Variants in SPSB4 observed in about 807,000 individuals in gnomAD.
SPSB4 encodes the protein splA/ryanodine receptor domain and SOCS box containing 4.
A neutral mutation model predicts 20.9 loss-of-function variants in SPSB4; 21 were observed. The ratio of observed to expected loss-of-function variants is 1.01; its 90% CI spans 0.71 to 1.45. The LOEUF (loss-of-function observed/expected upper bound fraction) is 1.45, where lower values mean the gene tolerates loss of function less well. Ranked by LOEUF, SPSB4 falls within the 40% of genes most tolerant of loss-of-function variation. The probability of loss-of-function intolerance (pLI) is 0.00; values close to 1 mark genes in which losing one functional copy is unlikely to be tolerated. For missense variants in SPSB4, 399 were observed against 399.2 expected, an observed-to-expected ratio of 1.00 and a Z score of 0.00; for synonymous variants, 207 against 183.8, an observed-to-expected ratio of 1.13 and a Z score of -1.02.
intron 2 of SPSB4, among the ~76,000 whole-genome samples, chr3:141,134,477 C>T (rs1939192131): frequency 6.6e-6 from 1 of 152,014 alleles, no homozygotes; most frequent in Admixed American, 6.6e-5. Context: ...GCTTTTATTA[C>T]CTTAAGATAT....
intron 2 of SPSB4, among the ~76,000 whole-genome samples, chr3:141,088,512 T>C (rs1483619670): frequency 2.0e-5 from 3 of 152,254 alleles, no homozygotes; most frequent in African/African-American, 7.2e-5. Context: ...TAGGTACTGC[T>C]GTGGGCATCA....
intron 2 of SPSB4, among the ~76,000 whole-genome samples, chr3:141,082,597 T>G (rs1938254494): frequency 6.6e-6 from 1 of 151,832 alleles, no homozygotes. Context: ...TTGATGATTA[T>G]CTCCTTGCCC....
chr3:141,124,627 G>A lies in SPSB4; in HGVS notation c.695-22515G>A, dbSNP rs143415911. On this transcript the variant is annotated intron_variant, in intron 2 of 2. Coordinates refer to ENST00000310546, the MANE Select transcript of SPSB4 (RefSeq NM_080862.3). ...GATGGGACAAAGAGATGTTTAGGAC[G>A]TGGACATGAAAGCACTTGGGGGTAG... Among the ~76,000 whole-genome samples the A allele has an allele frequency of 1.9e-3, 292 of 152,256 alleles. 3 individuals carry two copies. The highest frequency in any genetic ancestry group is 6.6e-3 in the African/African-American group (276 of 41,540).
rs148527607 is a variant in SPSB4 at position 141,126,279 on chromosome 3, G to A, written c.695-20863G>A. 9.8e-3 allele frequency among the ~76,000 whole-genome samples: 1,486 copies of A among 152,234 alleles called. 30 individuals are homozygous for A. The highest frequency in any genetic ancestry group is 0.034 in the African/African-American group (1,426 of 41,522). On this transcript the variant is annotated intron_variant, in intron 2 of 2. Coordinates refer to ENST00000310546, the MANE Select transcript of SPSB4 (RefSeq NM_080862.3). The stretch of plus-strand genomic sequence containing the variant: ...CAGTCACCTCTGCCTCCACCTCCCT[G>A]CCTTCCTTGGCCTGAGGAGTGGCAT...
intron 1 of SPSB4, among the ~76,000 whole-genome samples, chr3:141,056,528 T>G (rs1367532328): frequency 6.6e-6 from 1 of 152,248 alleles, no homozygotes; most frequent in Non-Finnish European, 1.5e-5. Flanking sequence ...ATGACCTGGC[T>G]CAAGCCAGAG....
intron 2 of SPSB4, among the ~76,000 whole-genome samples, chr3:141,129,836 A>G (rs1257841525): frequency 6.6e-6 from 1 of 152,158 alleles, no homozygotes; most frequent in African/African-American, 2.4e-5. Flanking sequence ...ATTTAGGACT[A>G]TTTTCCTGTG....
intron 2 of SPSB4, among the ~76,000 whole-genome samples, chr3:141,118,592 T>C (rs1938917180): frequency 6.6e-6 from 1 of 152,236 alleles, no homozygotes; most frequent in Non-Finnish European, 1.5e-5. Context: ...TGGTATTGCC[T>C]AGGTTTTCTT....
intron 2 of SPSB4, among the ~76,000 whole-genome samples, chr3:141,105,054 T>A (rs746966096): frequency 6.6e-6 from 1 of 151,952 alleles, no homozygotes; most frequent in Non-Finnish European, 1.5e-5. Context: ...GCGGATGGAG[T>A]CAGATGAATG....
chr3:141,137,546 G>C (rs1559857514), intron 2 of SPSB4, among the ~76,000 whole-genome samples: 1 of 152,142 alleles, frequency 6.6e-6, no homozygotes, highest in South Asian at 2.1e-4. Context: ...TAGCATGAAT[G>C]GTTGTTGAAT....
At chr3:141,088,138 C>G (rs569936719) in intron 2 of SPSB4, among the ~76,000 whole-genome samples, 20 of 152,274 alleles carry the variant, frequency 1.3e-4, no homozygotes, top group African/African-American at 3.4e-4. Context: ...CCCCAGGGCT[C>G]TCTTGGAAAT....
intron 2 of SPSB4, among the ~76,000 whole-genome samples, chr3:141,126,800 G>T (rs921698358): frequency 6.6e-6 from 1 of 152,182 alleles, no homozygotes; most frequent in Non-Finnish European, 1.5e-5. Flanking sequence ...AGCCCACTCC[G>T]ACCCCTTCCA....
At chr3:141,091,504 T>C (rs996823078) in intron 2 of SPSB4, among the ~76,000 whole-genome samples, 14 of 152,214 alleles carry the variant, frequency 9.2e-5, no homozygotes, top group African/African-American at 2.9e-4. Flanking sequence ...TTTTTGACCG[T>C]CAAAACTGTC....
At position 141,065,934 on chromosome 3, in the gene SPSB4, C is replaced by A; in HGVS notation, c.-153-18C>A. ...GCTGATGCTGCTGCTATAACCCGTGCCCTTTGCTTCCTTCCAGGAGCTTGG... is the reference window on the plus strand; with the variant it reads ...GCTGATGCTGCTGCTATAACCCGTGACCTTTGCTTCCTTCCAGGAGCTTGG... On this transcript the variant is annotated intron_variant, in intron 1 of 2. Transcript: ENST00000310546. The A allele has an allele frequency of 1.8e-6, 1 of 567,828 alleles. No individual in the cohort carries two copies. Among genetic ancestry groups the A allele is most frequent in the Non-Finnish European group, 3.0e-6 (1 of 334,440 alleles). The allele number at this position is 567,828 out of a possible 1,614,324, so 35.2% of individuals were successfully genotyped here. A position where few individuals can be genotyped will look rare whatever the true frequency, so the allele number is the denominator to read the frequency against.
At position 141,130,816 on chromosome 3, in the gene SPSB4, A is replaced by C. The variant is rs144751220; in HGVS notation, c.695-16326A>C. ...TGATAGCTAAACAGAGTCCCTGGGA[A>C]GTCCAATGGCTCACCTAGGGTTGTG... On this transcript the variant is annotated intron_variant, in intron 2 of 2. Transcript: ENST00000310546. Among the ~76,000 whole-genome samples, 84 of 152,354 alleles carry C rather than the reference A, an allele frequency of 5.5e-4. No individual in the cohort carries two copies. The East Asian group carries it at 0.015, about 27-fold the overall frequency.
At chr3:141,070,099 A>T (rs866770526) in intron 2 of SPSB4, among the ~76,000 whole-genome samples, 6 of 152,246 alleles carry the variant, frequency 3.9e-5, no homozygotes, top group Admixed American at 1.3e-4. Flanking sequence ...AGCTAACTAC[A>T]AAGAGCTGCA....
chr3:141,124,668 C>A (rs945337621), intron 2 of SPSB4, among the ~76,000 whole-genome samples: 3 of 152,070 alleles, frequency 2.0e-5, no homozygotes, highest in African/African-American at 4.8e-5. Flanking sequence ...GCTTGGAGAG[C>A]AGAGGAGGGA....
At chr3:141,127,513 G>T (rs767972925) in intron 2 of SPSB4, among the ~76,000 whole-genome samples, 1 of 152,156 alleles carries the variant, frequency 6.6e-6, no homozygotes, top group Non-Finnish European at 1.5e-5. Context: ...GGTCTGCAAG[G>T]CTCCTCTAAC....
chr3:141,057,508 T>C (rs1319679234), intron 1 of SPSB4, among the ~76,000 whole-genome samples: 1 of 152,228 alleles, frequency 6.6e-6, no homozygotes, highest in Non-Finnish European at 1.5e-5. Flanking sequence ...TTCGTGCTCG[T>C]GCATTCCATA....
At chr3:141,112,562 G>A (rs1051708783) in intron 2 of SPSB4, among the ~76,000 whole-genome samples, 6 of 145,084 alleles carry the variant, frequency 4.1e-5, no homozygotes, top group African/African-American at 1.3e-4. Flanking sequence ...GGAGAATGGC[G>A]TGAACCCGGG....
Sources: allele counts gnomAD v4.1 joint callset (sites outside exome capture counted in the v4.1 genomes callset), GRCh38; gene constraint gnomAD v4.1.1; transcripts MANE v1.5; gene names NCBI Gene and HGNC (gene_info 2026-07-23, HGNC 2026-07-21).